FRA10AC1: variants seen among roughly 807,000 people sequenced by gnomAD.
FRA10AC1 encodes FRA10A associated CGG repeat 1, also known as protein FRA10AC1.
In FRA10AC1, 43 loss-of-function variants were observed where a neutral mutation model predicts 56.5. The observed-to-expected ratio is 0.76, with a 90% confidence interval of 0.60 to 0.98. The LOEUF (loss-of-function observed/expected upper bound fraction) is 0.98, where lower values mean the gene tolerates loss of function less well. Ranked by LOEUF, FRA10AC1 falls within the 50% of genes least tolerant of loss-of-function variation. The probability of loss-of-function intolerance (pLI) is 0.00; values close to 1 mark genes in which losing one functional copy is unlikely to be tolerated. For synonymous variants in FRA10AC1, 112 were observed against 110.5 expected (o/e 1.01, Z -0.09); for missense variants, 346 against 351.8 (o/e 0.98, Z 0.13).
chr10:93,693,670 CACCATATATATATATATAT>C (rs1474383125), intron 5 of FRA10AC1, among the ~76,000 whole-genome samples: 14 of 70,376 alleles, frequency 2.0e-4, no homozygotes, highest in Non-Finnish European at 3.4e-4. Context: ...TATATATATA[CACCATATATATATATATAT>C]ACCATATATA....
chr10:93,700,889 T>A (rs555007289), intron 1 of FRA10AC1, among the ~76,000 whole-genome samples: 1 of 152,212 alleles, frequency 6.6e-6, no homozygotes, highest in Admixed American at 6.5e-5. Context: ...TGGAGTGCTG[T>A]GGCGCCTTGA....
At chr10:93,671,718 T>A (rs143805574) in intron 12 of FRA10AC1, 2 of 216,070 alleles carry the variant, frequency 9.3e-6, no homozygotes, top group African/African-American at 4.8e-5. Context: ...AAAGTATGCA[T>A]AGTATAATAG....
chr10:93,700,663 G>T (rs2059315823), intron 1 of FRA10AC1, among the ~76,000 whole-genome samples: 1 of 152,150 alleles, frequency 6.6e-6, no homozygotes, highest in Non-Finnish European at 1.5e-5. Context: ...TCTGGAATAT[G>T]ATTTACTATA....
In FRA10AC1 at chr10:93,681,224, C is replaced by T. The variant is rs142387616; in HGVS notation, c.787+256G>A. On this transcript the variant is annotated intron_variant, in intron 11 of 13. Transcript: ENST00000359204. ...AGTAACAAGTCTGTAGGTGACAAAG[C>T]CAGGAATTAGAAAACTGTTGGCAAT... Among the ~76,000 whole-genome samples, 28 of 152,138 alleles carry T rather than the reference C, an allele frequency of 1.8e-4. No individual in the cohort carries two copies. In the East Asian group the frequency reaches 4.1e-3, roughly 22 times the overall value.
chr10:93,694,744 A>C, intron 5 of FRA10AC1, 117 bp downstream of exon 5: 1 of 414,740 alleles, frequency 2.4e-6, no homozygotes. Context: ...AAAAAAAAAA[A>C]GGCACACCGG....
chr10:93,699,887 T>C, intron 2 of FRA10AC1, 143 bp downstream of exon 2: 1 of 552,774 alleles, frequency 1.8e-6, no homozygotes, highest in South Asian at 2.6e-5. Context: ...ATCAATGTAT[T>C]AGCTTAATGA....
intron 4 of FRA10AC1, 54 bp downstream of exon 4, chr10:93,698,079 AAGC>A (rs2059262357): frequency 2.0e-6 from 2 of 997,248 alleles, no homozygotes; most frequent in African/African-American, 1.7e-5. Flanking sequence ...TAAAACAAAA[AAGC>A]AGATTTTAAA....
At chr10:93,689,062 T>G (rs1367431791) in intron 7 of FRA10AC1, among the ~76,000 whole-genome samples, 2 of 7,196 alleles carry the variant, frequency 2.8e-4, no homozygotes, top group African/African-American at 3.4e-3. Flanking sequence ...GTTGTGGGGT[T>G]TTTTTTTTTT....
At chr10:93,693,293 G>A (rs528360100) in intron 5 of FRA10AC1, among the ~76,000 whole-genome samples, 36 of 149,790 alleles carry the variant, frequency 2.4e-4, no homozygotes, top group Non-Finnish European at 5.2e-4. Flanking sequence ...GGTAAATGAG[G>A]TGGTACTAAA....
intron 11 of FRA10AC1, among the ~76,000 whole-genome samples, chr10:93,676,922 A>G (rs150048363): frequency 2.0e-3 from 299 of 152,306 alleles, no homozygotes; most frequent in African/African-American, 6.9e-3. Flanking sequence ...AATAGCCAGC[A>G]CAAAACAAAA....
chr10:93,692,921 T>C (rs192495519), intron 5 of FRA10AC1, among the ~76,000 whole-genome samples, 192 bp from the exon 6 acceptor site: 7 of 152,236 alleles, frequency 4.6e-5, no homozygotes, highest in Non-Finnish European at 7.4e-5. Flanking sequence ...AAAATACTAC[T>C]ACAGAAGCAA....
chr10:93,676,886 A>C (rs1331599894), intron 11 of FRA10AC1, among the ~76,000 whole-genome samples, 195 bp from the exon 12 acceptor site: 1 of 152,024 alleles, frequency 6.6e-6, no homozygotes, highest in Non-Finnish European at 1.5e-5. Context: ...GGCAGAGATC[A>C]TATCTTATGT....
intron 7 of FRA10AC1, chr10:93,687,889 T>C (rs1449038868): frequency 6.6e-6 from 1 of 151,280 alleles, no homozygotes; most frequent in Non-Finnish European, 1.5e-5. Context: ...TCCTCATATA[T>C]GTAAAGTAGA....
At chr10:93,670,220 A>C (rs989223784) in intron 13 of FRA10AC1, among the ~76,000 whole-genome samples, 3 of 152,164 alleles carry the variant, frequency 2.0e-5, no homozygotes, top group Non-Finnish European at 4.4e-5. Flanking sequence ...TAGTCTGCTC[A>C]AGAAGTGAAT....
chr10:93,681,256 C>T (rs1480038949), intron 11 of FRA10AC1, among the ~76,000 whole-genome samples: 1 of 152,110 alleles, frequency 6.6e-6, no homozygotes. Context: ...CAATATTATA[C>T]TATCTGCCAA....
At chr10:93,676,402 G>A (rs890922529) in intron 12 of FRA10AC1, among the ~76,000 whole-genome samples, 1 of 152,078 alleles carries the variant, frequency 6.6e-6, no homozygotes, top group African/African-American at 2.4e-5. Context: ...GAAATTGAAA[G>A]ATATATCCAT....
At position 93,670,828 on chromosome 10, in the gene FRA10AC1, T is replaced by G. The variant is rs34803976; in HGVS notation, c.847A>C (p.Ser283Arg). 3,235 of 1,611,430 alleles carry G rather than the reference T, an allele frequency of 2.0e-3. 71 individuals carry two copies. In the African/African-American group the frequency reaches 0.038, roughly 19 times the overall value. ...SLLRNSDEEE[S>R]ASESELWKGP... is the part of the protein sequence containing the mutation. Reference sequence around the variant, plus strand: ...TTCCAAAGTTCAGATTCTGAAGCACTTTCTTCCTCATCAGAGTTTCCTGTT... The same window carrying G: ...TTCCAAAGTTCAGATTCTGAAGCACGTTCTTCCTCATCAGAGTTTCCTGTT... Residue 283 changes from serine (S) to arginine (R), a missense_variant, in exon 13 of 14, where the codon AGT becomes CGT. By Grantham distance (110) the Ser-to-Arg change is moderately radical (BLOSUM62 -1). Coordinates refer to ENST00000359204, the MANE Select transcript of FRA10AC1 (RefSeq NM_145246.5).
intron 10 of FRA10AC1, 85 bp downstream of exon 10, chr10:93,683,971 A>G (rs956154673): frequency 2.2e-6 from 2 of 897,486 alleles, no homozygotes; most frequent in Non-Finnish European, 3.6e-6. Flanking sequence ...TCAACCACCT[A>G]AGTCTACATT....
rs151040677 is a variant in FRA10AC1, at chr10:93,687,406, T to C, written c.509A>G (p.Lys170Arg). Residue 170 changes from lysine to arginine, a missense_variant and splice_region_variant, in exon 8 of 14, where the codon AAA (lysine) becomes AGA (arginine). Lys to Arg is a conservative substitution (Grantham distance 26, BLOSUM62 2). Coordinates refer to ENST00000359204, the MANE Select transcript of FRA10AC1 (RefSeq NM_145246.5). Reference sequence around the variant, plus strand: ...AAGTAAAAATTTTAAAGAATTACCTTTTCCTGAAATTACTTCTTTTTCTAC... The same window carrying C: ...AAGTAAAAATTTTAAAGAATTACCTCTTCCTGAAATTACTTCTTTTTCTAC... ...WRVEKEVISG[K>R]GQFFCGNKYC... The C allele has an allele frequency of 4.6e-6, 7 of 1,508,530 alleles. No individual in the cohort carries two copies. The highest frequency in any genetic ancestry group is 4.2e-5 in the African/African-American group (3 of 71,168). 93.4% of individuals were successfully genotyped at this position (1,508,530 alleles called of 1,614,324 possible).
Sources: allele counts gnomAD v4.1 joint callset (sites outside exome capture counted in the v4.1 genomes callset), GRCh38; gene constraint gnomAD v4.1.1; transcripts MANE v1.5; gene names NCBI Gene and HGNC (gene_info 2026-07-23, HGNC 2026-07-21).